TRERF1: variants seen among roughly 807,000 people sequenced by gnomAD.
TRERF1 encodes transcriptional-regulating factor 1.
A neutral mutation model predicts 122.9 loss-of-function variants in TRERF1; 27 were observed. That is an observed-to-expected ratio of 0.22 (90% CI 0.16 to 0.30). The LOEUF is 0.30. Among genes scored for constraint, TRERF1 ranks in the 10% least tolerant of loss-of-function variants. The pLI is 1.00. For missense variants in TRERF1, 1,248 were observed against 1,560.3 expected (o/e 0.80, Z 3.37); for synonymous variants, 636 against 641.7 (o/e 0.99, Z 0.13).
At chr6:42,306,488 G>A (rs1227449283) in intron 3 of TRERF1, among the ~76,000 whole-genome samples, 2 of 152,150 alleles carry the variant, frequency 1.3e-5, no homozygotes, top group Non-Finnish European at 2.9e-5. Context: ...ACCAATATCA[G>A]AGCAGCTCAA....
At chr6:42,371,143 G>C (rs1456259353) in intron 2 of TRERF1, among the ~76,000 whole-genome samples, 1 of 152,170 alleles carries the variant, frequency 6.6e-6, no homozygotes, top group African/African-American at 2.4e-5. Flanking sequence ...TAGGCAGCAA[G>C]AACAGAACTG....
intron 2 of TRERF1, among the ~76,000 whole-genome samples, chr6:42,438,070 C>T (rs1223798094): frequency 4.6e-5 from 7 of 151,662 alleles, no homozygotes; most frequent in African/African-American, 1.2e-4. Flanking sequence ...TACAGGTGCC[C>T]GCCACCATAC....
chr6:42,309,466 T>C (rs1787850808), intron 3 of TRERF1, among the ~76,000 whole-genome samples: 1 of 152,194 alleles, frequency 6.6e-6, no homozygotes, highest in South Asian at 2.1e-4. Context: ...AACAAGCTCT[T>C]TCAGGCAGCA....
At chr6:42,262,445 A>G (rs1455684222) in intron 8 of TRERF1, among the ~76,000 whole-genome samples, 6 of 38,294 alleles carry the variant, frequency 1.6e-4, no homozygotes, top group African/African-American at 8.2e-4. Context: ...AGAGAGAGAG[A>G]GAGAGAGAGA....
intron 3 of TRERF1, among the ~76,000 whole-genome samples, chr6:42,337,941 C>T (rs1766507427): frequency 6.6e-6 from 1 of 152,164 alleles, no homozygotes; most frequent in Admixed American, 6.5e-5. Flanking sequence ...GGACCAGCAA[C>T]AGCAGCAGCA....
rs992285295 is a variant in TRERF1 at position 42,364,653 on chromosome 6, T to C, written c.-453-1574A>G. On this transcript the variant is annotated intron_variant, in intron 2 of 17. Coordinates refer to ENST00000372922, the Ensembl canonical transcript of TRERF1. ...GTTGTGTGTGGCAACATGGAAGCCG[T>C]GGGTGACCTTAGAGAGGGCAGCCCC... Among the ~76,000 whole-genome samples, 3 of 152,358 alleles carry C rather than the reference T, an allele frequency of 2.0e-5. No individual in the cohort carries two copies. In the South Asian group the frequency reaches 6.2e-4, roughly 32 times the overall value.
intron 3 of TRERF1, among the ~76,000 whole-genome samples, chr6:42,359,710 G>A (rs1327611748): frequency 6.6e-6 from 1 of 152,148 alleles, no homozygotes; most frequent in Non-Finnish European, 1.5e-5. Context: ...GTGACAGAGC[G>A]AGACTCCGTC....
chr6:42,328,166 C>T (rs1334160717), intron 3 of TRERF1, among the ~76,000 whole-genome samples: 2 of 151,740 alleles, frequency 1.3e-5, no homozygotes, highest in South Asian at 2.1e-4. Context: ...CGCTACCATG[C>T]CCAGCTAATT....
intron 3 of TRERF1, among the ~76,000 whole-genome samples, chr6:42,342,516 G>A (rs1207804100): frequency 6.6e-6 from 1 of 152,026 alleles, no homozygotes; most frequent in Non-Finnish European, 1.5e-5. Context: ...CAGGAGGCCT[G>A]GGAAATTAAA....
chr6:42,403,939 C>CCG (rs11462455), intron 2 of TRERF1, among the ~76,000 whole-genome samples: 1 of 152,126 alleles, frequency 6.6e-6, no homozygotes, highest in African/African-American at 2.4e-5. Context: ...AGACCCCCCC[C>CCG]AGGCCTTGCC....
At chr6:42,333,264 G>A (rs190849559) in intron 3 of TRERF1, among the ~76,000 whole-genome samples, 4 of 152,248 alleles carry the variant, frequency 2.6e-5, no homozygotes, top group Middle Eastern at 3.4e-3. Flanking sequence ...AATCACTTTC[G>A]CTTTTCTGGG....
chr6:42,291,709 T>G (rs1784350072), intron 4 of TRERF1, among the ~76,000 whole-genome samples: 1 of 151,570 alleles, frequency 6.6e-6, no homozygotes, highest in African/African-American at 2.4e-5. Flanking sequence ...GTTTTTTTTT[T>G]TTGTGTGTGT....
At chr6:42,311,345 A>G (rs1182447368) in intron 3 of TRERF1, among the ~76,000 whole-genome samples, 2 of 152,136 alleles carry the variant, frequency 1.3e-5, no homozygotes, top group Admixed American at 1.3e-4. Flanking sequence ...CAGGTGACTC[A>G]GGGAAGGAAG....
At chr6:42,424,192 T>C (rs76595961) in intron 2 of TRERF1, among the ~76,000 whole-genome samples, 4,693 of 152,310 alleles carry the variant, frequency 0.031, 99 homozygotes, top group Middle Eastern at 0.054. Flanking sequence ...ATATTCTTAG[T>C]ATATGTCATG....
intron 4 of TRERF1, among the ~76,000 whole-genome samples, chr6:42,274,110 A>G (rs1780731414): frequency 6.6e-6 from 1 of 152,250 alleles, no homozygotes; most frequent in Non-Finnish European, 1.5e-5. Flanking sequence ...TTCTTGGGCT[A>G]GCAGCCCCAG....
intron 9 of TRERF1, among the ~76,000 whole-genome samples, chr6:42,258,487 C>T (rs1453276914): frequency 6.6e-6 from 1 of 152,234 alleles, no homozygotes; most frequent in Non-Finnish European, 1.5e-5. Context: ...AGATCCTAGC[C>T]TCTCTATGCT....
chr6:42,267,030 T>C (rs143419497), intron 5 of TRERF1, among the ~76,000 whole-genome samples: 285 of 152,294 alleles, frequency 1.9e-3, no homozygotes, highest in African/African-American at 6.5e-3. Context: ...CAATGCATAC[T>C]ACCATATTAA....
At chr6:42,235,045 T>C (rs972518194) in intron 16 of TRERF1, among the ~76,000 whole-genome samples, 3 of 152,214 alleles carry the variant, frequency 2.0e-5, no homozygotes, top group Admixed American at 6.5e-5. Flanking sequence ...ATCTCTTCTG[T>C]TCTCTTCAAA....
rs368393397 is a variant in TRERF1 at position 42,261,946 on chromosome 6, T to C, written c.1884+1374A>G. ...CAGTCACACTTAAAGCATCAATTTC[T>C]TGTCTGCCCCTGTCTTTCTCTTACC... On this transcript the variant is annotated intron_variant, in intron 8 of 17. Transcript: ENST00000372922. Among the ~76,000 whole-genome samples the C allele has an allele frequency of 1.1e-4, 16 of 152,214 alleles. No individual in the cohort carries two copies. The East Asian group carries it at 3.1e-3, about 29-fold the overall frequency.
Sources: gnomAD v4.1 joint callset for allele counts (sites outside exome capture counted in the v4.1 genomes callset) on GRCh38, gnomAD v4.1.1 for gene constraint, MANE v1.5 for transcripts, NCBI Gene and HGNC (gene_info 2026-07-23, HGNC 2026-07-21) for gene names.